TMEM45A: variants seen among roughly 807,000 people sequenced by gnomAD.
TMEM45A encodes the protein transmembrane protein 45A, also known as DNA polymerase-transactivated protein 4.
In TMEM45A, 25 loss-of-function variants were observed where a neutral mutation model predicts 32.0. The ratio of observed to expected loss-of-function variants is 0.78; its 90% CI spans 0.57 to 1.09. TMEM45A has a LOEUF of 1.09. Among genes scored for constraint, TMEM45A ranks in the 50% least tolerant of loss-of-function variants. The pLI, the probability that TMEM45A is intolerant of heterozygous loss-of-function variation, is 0.00. For missense variants in TMEM45A, 302 were observed against 325.0 expected, an observed-to-expected ratio of 0.93 and a Z score of 0.54; for synonymous variants, 122 against 114.8, an observed-to-expected ratio of 1.06 and a Z score of -0.40.
At chr3:100,575,363 C>CTCTTTTTTTTTTTTTTTTTTTTT (rs1706660425) in intron 5 of TMEM45A, among the ~76,000 whole-genome samples, 4 of 62,706 alleles carry the variant, frequency 6.4e-5, no homozygotes, top group African/African-American at 2.2e-4. Context: ...TATGGATTCT[C>CTCTTTTTTTTTTTTTTTTTTTTT]TTTTTTTTTT....
At chr3:100,518,717 G>T (rs1180748438) in intron 1 of TMEM45A, among the ~76,000 whole-genome samples, 1 of 152,182 alleles carries the variant, frequency 6.6e-6, no homozygotes, top group African/African-American at 2.4e-5. Flanking sequence ...CAGGTGAGGG[G>T]TGCAGACTGG....
chr3:100,574,420 G>A (rs1280541424), intron 5 of TMEM45A: 3 of 152,092 alleles, frequency 2.0e-5, no homozygotes, highest in East Asian at 3.8e-4. Flanking sequence ...TAAATTCCTC[G>A]ACACATACAT....
intron 1 of TMEM45A, among the ~76,000 whole-genome samples, chr3:100,540,596 C>T (rs1033557383): frequency 3.9e-5 from 6 of 152,140 alleles, no homozygotes; most frequent in Admixed American, 3.9e-4. Context: ...AGTCGGAATG[C>T]AACATGGTAC....
intron 1 of TMEM45A, among the ~76,000 whole-genome samples, chr3:100,534,785 A>C (rs1042541565): frequency 6.6e-6 from 1 of 152,250 alleles, no homozygotes; most frequent in South Asian, 2.1e-4. Context: ...TCTGCACTCT[A>C]CCATTCACTG....
intron 1 of TMEM45A, among the ~76,000 whole-genome samples, chr3:100,530,311 G>A (rs1049528352): frequency 6.6e-6 from 1 of 152,144 alleles, no homozygotes; most frequent in African/African-American, 2.4e-5. Context: ...TGGAGCTGGG[G>A]ACCCAGAGGG....
At chr3:100,553,315 T>C (rs1706145424) in intron 1 of TMEM45A, among the ~76,000 whole-genome samples, 1 of 152,194 alleles carries the variant, frequency 6.6e-6, no homozygotes. Context: ...TTTTTTTAAC[T>C]AAATATGTTC....
intron 1 of TMEM45A, among the ~76,000 whole-genome samples, chr3:100,512,315 G>A (rs1475438714): frequency 6.6e-6 from 1 of 152,168 alleles, no homozygotes; most frequent in African/African-American, 2.4e-5. Context: ...TCAGGATTAA[G>A]AATCTCACTC....
At chr3:100,568,676 G>A (rs1255596968) in intron 4 of TMEM45A, 146 bp from the exon 5 acceptor site, 8 of 652,726 alleles carry the variant, frequency 1.2e-5, no homozygotes, top group Non-Finnish European at 1.8e-5. Context: ...ACTAAAACAG[G>A]CAGCAAAACC....
rs146803578 is a variant in TMEM45A, at chr3:100,562,493, C to T, written c.588+3904C>T. ...CTGGGGCTGCTAAAGAGATTGGCGA[C>T]GGGAGGGGCTCCAAGTTTCTCTTCT... On this transcript the variant is annotated intron_variant, in intron 4 of 5. Coordinates refer to ENST00000323523, the MANE Select transcript of TMEM45A (RefSeq NM_018004.3). Among the ~76,000 whole-genome samples, 605 of 152,230 alleles carry T rather than the reference C, an allele frequency of 4.0e-3. 10 individuals carry two copies. Among genetic ancestry groups the T allele is most frequent in the African/African-American group, 0.014 (577 of 41,534 alleles).
At chr3:100,520,053 T>G (rs999275288) in intron 1 of TMEM45A, among the ~76,000 whole-genome samples, 15 of 152,084 alleles carry the variant, frequency 9.9e-5, no homozygotes, top group African/African-American at 3.1e-4. Context: ...CAGCTAAGGA[T>G]TAAGCAGTGA....
intron 1 of TMEM45A, among the ~76,000 whole-genome samples, chr3:100,551,304 C>T (rs947026220): frequency 1.3e-5 from 2 of 152,078 alleles, no homozygotes; most frequent in African/African-American, 2.4e-5. Context: ...TGAGCCACTG[C>T]GCCCGGCCGA....
chr3:100,534,270 T>A (rs1286553826), intron 1 of TMEM45A, among the ~76,000 whole-genome samples: 1 of 152,212 alleles, frequency 6.6e-6, no homozygotes, highest in Non-Finnish European at 1.5e-5. Context: ...AAACAGATAA[T>A]ATGTTACCTG....
intron 5 of TMEM45A, among the ~76,000 whole-genome samples, chr3:100,575,976 C>G (rs1228852538): frequency 6.6e-6 from 1 of 152,182 alleles, no homozygotes; most frequent in African/African-American, 2.4e-5. Flanking sequence ...TTGGTTTCAT[C>G]TGGGCTTGCC....
At position 100,555,289 on chromosome 3, in the gene TMEM45A, T is replaced by C; in HGVS notation, c.78T>C (p.Ile26=). The C allele has an allele frequency of 6.2e-7, 1 of 1,614,068 alleles. No individual in the cohort carries two copies. The highest frequency in any genetic ancestry group is 8.5e-7 in the Non-Finnish European group (1 of 1,179,964). ...IIGLWWCTKS[I]LKYICKKQKR... ...GTCTTTGGTGGTGTACAAAGAGTAT[T>C]CTGAAGTATATCTGCAAAAAGCAAA... The change falls in exon 2 of 6, where the codon ATT becomes ATC. Residue 26 remains isoleucine, a synonymous_variant. Transcript: ENST00000323523.
At chr3:100,493,328 T>C (rs2148919381) in intron 1 of TMEM45A, among the ~76,000 whole-genome samples, 1 of 152,116 alleles carries the variant, frequency 6.6e-6, no homozygotes, top group South Asian at 2.1e-4. Context: ...TGATGGGAGA[T>C]TGAGAAAATT....
At chr3:100,540,201 T>A (rs1483463734) in intron 1 of TMEM45A, among the ~76,000 whole-genome samples, 1 of 152,186 alleles carries the variant, frequency 6.6e-6, no homozygotes, top group Non-Finnish European at 1.5e-5. Context: ...AAGAAAGGTC[T>A]ATGTCTAGAT....
intron 1 of TMEM45A, among the ~76,000 whole-genome samples, chr3:100,554,265 C>T (rs1706169009): frequency 6.6e-6 from 1 of 151,130 alleles, no homozygotes; most frequent in Admixed American, 6.6e-5. Context: ...ATAATGTAAA[C>T]AAAGTTTGCA....
At chr3:100,564,114 T>A (rs897548242) in intron 4 of TMEM45A, among the ~76,000 whole-genome samples, 20 of 152,230 alleles carry the variant, frequency 1.3e-4, no homozygotes, top group Non-Finnish European at 2.5e-4. Context: ...AGACAATAAC[T>A]GTATTCTGTG....
At chr3:100,559,815 TAAAA>T (rs1363457350) in intron 4 of TMEM45A, among the ~76,000 whole-genome samples, 1 of 151,614 alleles carries the variant, frequency 6.6e-6, no homozygotes, top group Non-Finnish European at 1.5e-5. Context: ...TAAAATAAAA[TAAAA>T]TAAAAACCTA....
Sources: gnomAD v4.1 joint callset for allele counts (sites outside exome capture counted in the v4.1 genomes callset) on GRCh38, gnomAD v4.1.1 for gene constraint, MANE v1.5 for transcripts, NCBI Gene and HGNC (gene_info 2026-07-23, HGNC 2026-07-21) for gene names.